DLGAP1: variants seen among roughly 807,000 people sequenced by gnomAD.
The protein encoded by DLGAP1 is disks large-associated protein 1.
In DLGAP1, 11 loss-of-function variants were observed where a neutral mutation model predicts 90.8. The observed-to-expected ratio is 0.12, with a 90% CI of 0.08 to 0.20. The LOEUF (loss-of-function observed/expected upper bound fraction) is 0.20, where lower values mean the gene tolerates loss of function less well. DLGAP1 is among the 10% of genes least tolerant of loss of function. The pLI is 1.00. For missense variants in DLGAP1, 1,050 were observed against 1,333.8 expected (o/e 0.79, Z 3.31); for synonymous variants, 558 against 540.7 (o/e 1.03, Z -0.44).
rs202108437 is a variant in DLGAP1 at position 3,783,419 on chromosome 18, GAATA to G, written c.1172+30636_1172+30639del. On this transcript the variant is annotated intron_variant, in intron 5 of 12. Transcript: ENST00000315677. The stretch of plus-strand genomic sequence containing the variant: ...ATCCAAAGTTCATCAACTGATGGAT[GAATA>G]AATAAAATGTGGGTTTTCCACACAG... Among the ~76,000 whole-genome samples, 552 of 152,314 alleles carry G rather than the reference GAATA, an allele frequency of 3.6e-3. 4 individuals carry two copies. Among genetic ancestry groups the G allele is most frequent in the African/African-American group, 0.012 (492 of 41,566 alleles).
intron 2 of DLGAP1, among the ~76,000 whole-genome samples, chr18:4,120,254 C>A (rs1347061184): frequency 6.6e-6 from 1 of 152,188 alleles, no homozygotes; most frequent in Non-Finnish European, 1.5e-5. Flanking sequence ...TGAGCTGCTA[C>A]TAAATATATC....
chr18:3,910,742 G>A (rs1478344177), intron 3 of DLGAP1, among the ~76,000 whole-genome samples: 1 of 152,084 alleles, frequency 6.6e-6, no homozygotes, highest in Non-Finnish European at 1.5e-5. Context: ...TCAATGGAGT[G>A]ACTCACCTCC....
intron 2 of DLGAP1, among the ~76,000 whole-genome samples, chr18:4,132,291 T>C (rs1420013386): frequency 6.6e-6 from 1 of 152,176 alleles, no homozygotes; most frequent in Non-Finnish European, 1.5e-5. Flanking sequence ...AGCACTCACA[T>C]TGTATAATCA....
chr18:4,168,474 G>A (rs1052055861), intron 1 of DLGAP1, among the ~76,000 whole-genome samples: 1 of 152,062 alleles, frequency 6.6e-6, no homozygotes, highest in African/African-American at 2.4e-5. Flanking sequence ...ATGTTGTACA[G>A]TCACCACCAC....
intron 1 of DLGAP1, among the ~76,000 whole-genome samples, chr18:4,317,806 A>G (rs1269543240): frequency 6.6e-6 from 1 of 152,246 alleles, no homozygotes; most frequent in Non-Finnish European, 1.5e-5. Flanking sequence ...CAGTTATAGA[A>G]CAACAAGTAA....
At chr18:3,567,250 C>T (rs1288289153) in intron 9 of DLGAP1, among the ~76,000 whole-genome samples, 2 of 152,074 alleles carry the variant, frequency 1.3e-5, no homozygotes, top group Admixed American at 6.5e-5. Flanking sequence ...GAGTACTGCA[C>T]ACAGTATTTA....
chr18:3,694,943 T>TG (rs1163261981), intron 7 of DLGAP1, among the ~76,000 whole-genome samples: 1 of 139,422 alleles, frequency 7.2e-6, no homozygotes, highest in Admixed American at 7.3e-5. Context: ...TTTTTTGTTT[T>TG]TTTTTTTTTT....
chr18:3,891,925 G>C (rs2071471624), intron 3 of DLGAP1: 1 of 151,824 alleles, frequency 6.6e-6, no homozygotes, highest in African/African-American at 2.4e-5. Context: ...TTTTTTTGTA[G>C]AGATGGGGGG....
At chr18:3,864,292 C>A (rs2070257769) in intron 4 of DLGAP1, among the ~76,000 whole-genome samples, 1 of 152,162 alleles carries the variant, frequency 6.6e-6, no homozygotes. Flanking sequence ...TCTAATAACA[C>A]CTTCAAAAAC....
At chr18:4,242,191 C>A in intron 1 of DLGAP1, among the ~76,000 whole-genome samples, 1 of 152,154 alleles carries the variant, frequency 6.6e-6, no homozygotes, top group South Asian at 2.1e-4. Context: ...CACTCCATTT[C>A]TTTGTTTTGG....
At chr18:4,274,270 C>T (rs1158433671) in intron 1 of DLGAP1, among the ~76,000 whole-genome samples, 1 of 152,062 alleles carries the variant, frequency 6.6e-6, no homozygotes, top group Non-Finnish European at 1.5e-5. Flanking sequence ...CTTTGACCCG[C>T]TGGTTATTTA....
chr18:3,831,310 A>C lies in DLGAP1; in HGVS notation c.958-17037T>G, dbSNP rs2068024567. Among the ~76,000 whole-genome samples, 3 of 152,174 alleles carry C rather than the reference A, an allele frequency of 2.0e-5. No individual in the cohort carries two copies. The South Asian group carries it at 6.2e-4, about 32-fold the overall frequency. Reference sequence around the variant, plus strand: ...ACTGTCATCTCACCCTGTGTATTCCAAAGCACATTTTATGGATCACCAATC... The same window carrying C: ...ACTGTCATCTCACCCTGTGTATTCCCAAGCACATTTTATGGATCACCAATC... On this transcript the variant is annotated intron_variant, in intron 4 of 12. Coordinates refer to ENST00000315677, the MANE Select transcript of DLGAP1 (RefSeq NM_004746.4).
chr18:3,966,616 C>T (rs2073338046), intron 3 of DLGAP1, among the ~76,000 whole-genome samples: 1 of 152,078 alleles, frequency 6.6e-6, no homozygotes, highest in Admixed American at 6.5e-5. Context: ...AAAAAGAAAT[C>T]CAAGACAATG....
chr18:3,820,663 T>G (rs971488832), intron 4 of DLGAP1, among the ~76,000 whole-genome samples: 3 of 152,130 alleles, frequency 2.0e-5, no homozygotes, highest in African/African-American at 7.2e-5. Flanking sequence ...AGGAGAAAAA[T>G]GTACATTATG....
At chr18:4,051,884 A>G (rs1224480649) in intron 2 of DLGAP1, among the ~76,000 whole-genome samples, 1 of 152,240 alleles carries the variant, frequency 6.6e-6, no homozygotes, top group Non-Finnish European at 1.5e-5. Context: ...TGGCCAAAAC[A>G]GAGGGGCTAT....
At chr18:3,639,250 GGAGGCT>G (rs995134117) in intron 7 of DLGAP1, among the ~76,000 whole-genome samples, 13 of 152,156 alleles carry the variant, frequency 8.5e-5, no homozygotes, top group African/African-American at 3.1e-4. Flanking sequence ...CAGCTACTCG[GGAGGCT>G]GAGGCTGGAG....
At position 4,074,478 on chromosome 18, in the gene DLGAP1, C is replaced by A. The variant is rs1053454552; in HGVS notation, c.-158-69277G>T. Among the ~76,000 whole-genome samples the A allele has an allele frequency of 6.6e-5, 10 of 152,184 alleles. No homozygotes were observed. The Middle Eastern group carries it at 0.01, about 155-fold the overall frequency. On this transcript the variant is annotated intron_variant, in intron 2 of 12. Transcript: ENST00000315677. ...ATTTCTAGATTTTCTGTAATTTCAGCATGACCCCTAGAAACTCATTTTAAT... is the reference window on the plus strand; with the variant it reads ...ATTTCTAGATTTTCTGTAATTTCAGAATGACCCCTAGAAACTCATTTTAAT...
At chr18:4,415,791 T>C (rs1368055490) in intron 1 of DLGAP1, among the ~76,000 whole-genome samples, 2 of 152,148 alleles carry the variant, frequency 1.3e-5, no homozygotes, top group Non-Finnish European at 2.9e-5. Context: ...AAAGTCATTG[T>C]GAAGAACAGA....
At chr18:4,074,387 A>C (rs955820223) in intron 2 of DLGAP1, among the ~76,000 whole-genome samples, 1 of 152,120 alleles carries the variant, frequency 6.6e-6, no homozygotes, top group Non-Finnish European at 1.5e-5. Flanking sequence ...AATTTTCATA[A>C]AAATGAAAAT....
Sources: gnomAD v4.1 joint callset for allele counts (sites outside exome capture counted in the v4.1 genomes callset) on GRCh38, gnomAD v4.1.1 for gene constraint, MANE v1.5 for transcripts, NCBI Gene and HGNC (gene_info 2026-07-23, HGNC 2026-07-21) for gene names.